Variants in IL23R observed in about 807,000 individuals in gnomAD.
IL23R encodes the protein interleukin 23 receptor, also known as interleukin-23 receptor.
A neutral mutation model predicts 56.9 loss-of-function variants in IL23R; 34 were observed. The observed-to-expected ratio is 0.60, with a 90% confidence interval of 0.45 to 0.80. The LOEUF (loss-of-function observed/expected upper bound fraction) is 0.80, where lower values mean the gene tolerates loss of function less well. IL23R is among the 30% of genes least tolerant of loss of function. The pLI, the probability that IL23R is intolerant of heterozygous loss-of-function variation, is 0.00. For synonymous variants in IL23R, 230 were observed against 249.2 expected, an observed-to-expected ratio of 0.92 and a Z score of 0.73; for missense variants, 635 against 730.0, an observed-to-expected ratio of 0.87 and a Z score of 1.50.
chr1:67,204,148 C>T (rs1247381016), intron 5 of IL23R, among the ~76,000 whole-genome samples: 1 of 152,052 alleles, frequency 6.6e-6, no homozygotes, highest in African/African-American at 2.4e-5. Context: ...ACTGCAAGCT[C>T]CGCCTTCCGG....
intron 6 of IL23R, among the ~76,000 whole-genome samples, chr1:67,208,195 A>G (rs1649215514): frequency 1.3e-5 from 2 of 152,252 alleles, no homozygotes; most frequent in African/African-American, 2.4e-5. Flanking sequence ...AAAGGCATTC[A>G]GTTTTAAAAG....
chr1:67,236,347 C>A (rs1346294853), intron 7 of IL23R, among the ~76,000 whole-genome samples: 1 of 152,176 alleles, frequency 6.6e-6, no homozygotes, highest in Non-Finnish European at 1.5e-5. Context: ...CTTATTGCAC[C>A]ATCAATTGCA....
chr1:67,152,353 T>C (rs141928570), intron 1 of IL23R, among the ~76,000 whole-genome samples: 1 of 152,362 alleles, frequency 6.6e-6, no homozygotes, highest in East Asian at 1.9e-4. Flanking sequence ...AAGGAGTTTT[T>C]GGGCAGAGAC....
At chr1:67,176,980 C>T (rs1307477012) in intron 3 of IL23R, among the ~76,000 whole-genome samples, 7 of 152,128 alleles carry the variant, frequency 4.6e-5, no homozygotes, top group African/African-American at 1.7e-4. Context: ...GTATTCCATG[C>T]TATATATGTG....
At chr1:67,179,112 C>A (rs1647053180) in intron 3 of IL23R, among the ~76,000 whole-genome samples, 1 of 152,180 alleles carries the variant, frequency 6.6e-6, no homozygotes, top group East Asian at 1.9e-4. Flanking sequence ...GCTTTGGTAT[C>A]AGGAAGATGC....
chr1:67,210,090 A>G (rs1187464478), intron 6 of IL23R, among the ~76,000 whole-genome samples: 1 of 152,234 alleles, frequency 6.6e-6, no homozygotes, highest in Admixed American at 6.5e-5. Context: ...ATTTATTACC[A>G]GTATAGGCCT....
intron 7 of IL23R, among the ~76,000 whole-genome samples, chr1:67,226,154 C>A (rs1318956304): frequency 6.6e-6 from 1 of 152,206 alleles, no homozygotes; most frequent in Non-Finnish European, 1.5e-5. Flanking sequence ...GGCTCCAGCC[C>A]CACAGTAGCA....
At chr1:67,197,213 G>A (rs1455874052) in intron 4 of IL23R, among the ~76,000 whole-genome samples, 5 of 152,108 alleles carry the variant, frequency 3.3e-5, no homozygotes, top group South Asian at 4.2e-4. Flanking sequence ...ACAGGCTTTG[G>A]GTAGCAAGGA....
At chr1:67,217,562 A>C (rs1277639501) in intron 6 of IL23R, among the ~76,000 whole-genome samples, 4 of 152,008 alleles carry the variant, frequency 2.6e-5, no homozygotes, top group Admixed American at 2.6e-4. Context: ...TGCATTTGAG[A>C]GTCAAATCTT....
At chr1:67,254,355 C>T (rs1004583428) in intron 9 of IL23R, among the ~76,000 whole-genome samples, 8 of 151,782 alleles carry the variant, frequency 5.3e-5, no homozygotes, top group African/African-American at 1.7e-4. Context: ...AGGTGTGAGC[C>T]AACATGCCCG....
At chr1:67,248,521 T>TC (rs1189184062) in intron 9 of IL23R, among the ~76,000 whole-genome samples, 1 of 152,206 alleles carries the variant, frequency 6.6e-6, no homozygotes, top group Non-Finnish European at 1.5e-5. Context: ...CGTCTTTTTT[T>TC]CAAGGTTCTT....
rs190773533 is a variant in IL23R at position 67,159,523 on chromosome 1, T to C, written c.-633-8569T>C. 3.2e-3 allele frequency among the ~76,000 whole-genome samples: 486 copies of C among 152,290 alleles called. 4 individuals carry two copies. The highest frequency in any genetic ancestry group is 0.011 in the African/African-American group (460 of 41,556). On this transcript the variant is annotated intron_variant, in intron 1 of 10. Transcript: ENST00000637002. ...CCTCTTTTCTTCATAAATTACTCAG[T>C]CTCAGGTAGTTCTTTATAACAGTGT... is the stretch of plus-strand genomic sequence containing the variant.
chr1:67,183,100 G>T (rs1647176831), intron 4 of IL23R, 141 bp downstream of exon 4: 1 of 989,796 alleles, frequency 1.0e-6, no homozygotes, highest in Admixed American at 2.1e-5. Flanking sequence ...CTTATGATCA[G>T]TGAAACTACC....
upstream of IL23R, among the ~76,000 whole-genome samples, chr1:67,162,122 A>G (rs1392203973): frequency 6.6e-6 from 1 of 151,992 alleles, no homozygotes; most frequent in African/African-American, 2.4e-5. Context: ...AAAATTTTAC[A>G]TATAAATTTT....
chr1:67,260,794 G>A (rs946583221), downstream of IL23R, among the ~76,000 whole-genome samples: 1 of 152,126 alleles, frequency 6.6e-6, no homozygotes, highest in Non-Finnish European at 1.5e-5. Context: ...CTACTCAGGA[G>A]GCTGAGGCGG....
intron 1 of IL23R, among the ~76,000 whole-genome samples, chr1:67,140,784 CTATT>C (rs1472094448): frequency 6.6e-6 from 1 of 152,074 alleles, no homozygotes; most frequent in East Asian, 1.9e-4. Flanking sequence ...CATCTATCAT[CTATT>C]TATTGAATTC....
At chr1:67,146,673 C>T (rs1646682113) in intron 1 of IL23R, among the ~76,000 whole-genome samples, 1 of 152,172 alleles carries the variant, frequency 6.6e-6, no homozygotes, top group Non-Finnish European at 1.5e-5. Flanking sequence ...CAAGAAAACT[C>T]CAAGGTATTT....
At chr1:67,159,296 G>T (rs1646796063) in intron 1 of IL23R, among the ~76,000 whole-genome samples, 1 of 151,780 alleles carries the variant, frequency 6.6e-6, no homozygotes, top group South Asian at 2.1e-4. Flanking sequence ...GTTCTCAGAA[G>T]ATCTAATTGT....
intron 1 of IL23R, among the ~76,000 whole-genome samples, chr1:67,149,998 A>T (rs533187126): frequency 6.6e-6 from 1 of 152,298 alleles, no homozygotes; most frequent in South Asian, 2.1e-4. Context: ...AAGAAAAAGA[A>T]ATGCCTAGGT....
Sources: allele counts gnomAD v4.1 joint callset (sites outside exome capture counted in the v4.1 genomes callset), GRCh38; gene constraint gnomAD v4.1.1; transcripts MANE v1.5; gene names NCBI Gene and HGNC (gene_info 2026-07-23, HGNC 2026-07-21).